The following NR3C1 variants were observed in gnomAD, a reference collection of about 807,000 sequenced individuals.
The protein encoded by NR3C1 is nuclear receptor subfamily 3 group C member 1.
A neutral mutation model predicts 74.0 loss-of-function variants in NR3C1; 14 were observed. That is an observed-to-expected ratio of 0.19 (90% CI 0.12 to 0.30). NR3C1 has a LOEUF of 0.30. NR3C1 is among the 10% of genes least tolerant of loss of function. The pLI, the probability that NR3C1 is intolerant of heterozygous loss-of-function variation, is 1.00. For synonymous variants in NR3C1, 308 were observed against 332.5 expected (o/e 0.93, Z 0.80); for missense variants, 695 against 909.8 (o/e 0.76, Z 3.04).
intron 6 of NR3C1, among the ~76,000 whole-genome samples, chr5:143,297,258 G>A (rs755134841): frequency 2.6e-5 from 4 of 152,080 alleles, no homozygotes; most frequent in Non-Finnish European, 5.9e-5. Flanking sequence ...GGCATGATTA[G>A]ATTTTGCTGT....
At chr5:143,323,300 C>T (rs953170447) in intron 2 of NR3C1, among the ~76,000 whole-genome samples, 2 of 152,150 alleles carry the variant, frequency 1.3e-5, no homozygotes, top group African/African-American at 4.8e-5. Flanking sequence ...GGGGAAGCCT[C>T]AGAATCATGG....
At chr5:143,317,951 T>C (rs963038019) in intron 2 of NR3C1, among the ~76,000 whole-genome samples, 1 of 152,164 alleles carries the variant, frequency 6.6e-6, no homozygotes, top group Non-Finnish European at 1.5e-5. Flanking sequence ...CAGCTTTACA[T>C]ACAGACAAAT....
intron 1 of NR3C1, among the ~76,000 whole-genome samples, chr5:143,419,127 A>G (rs1751080912): frequency 6.6e-6 from 1 of 152,160 alleles, no homozygotes. Flanking sequence ...GGGATGCTCT[A>G]CCTGTATGTA....
rs151019563 is a variant in NR3C1 at position 143,425,967 on chromosome 5, C to T, written c.-14+8565G>A. Among the ~76,000 whole-genome samples, 270 of 152,234 alleles carry T rather than the reference C, an allele frequency of 1.8e-3. 2 individuals are homozygous for T. Among genetic ancestry groups the T allele is most frequent in the African/African-American group, 6.2e-3 (256 of 41,552 alleles). On this transcript the variant is annotated intron_variant, in intron 1 of 8. Coordinates refer to the NR3C1 transcript ENST00000343796. ...CATAATAGCTAATAAGTGGCAACAG[C>T]CTAAGTGATCAGCTCATGAGTGGAT...
chr5:143,368,921 C>G (rs747357241), intron 2 of NR3C1, among the ~76,000 whole-genome samples: 1 of 152,178 alleles, frequency 6.6e-6, no homozygotes, highest in Non-Finnish European at 1.5e-5. Flanking sequence ...CAAGGTGACA[C>G]AGGGCAGCAA....
At chr5:143,403,760 CGGCGGCCGCGG>C, upstream of NR3C1, 1 of 984,424 alleles carries the variant, frequency 1.0e-6, no homozygotes, top group Non-Finnish European at 1.2e-6. Flanking sequence ...AGGGGCCGCG[CGGCGGCCGCGG>C]GGAACGATGC....
intron 2 of NR3C1, among the ~76,000 whole-genome samples, chr5:143,324,283 C>A (rs1386761210): frequency 6.6e-6 from 1 of 152,244 alleles, no homozygotes; most frequent in Non-Finnish European, 1.5e-5. Flanking sequence ...CATACGTCTT[C>A]TAAAATCTAG....
At chr5:143,333,199 G>A (rs1218375486) in intron 2 of NR3C1, 8 of 1,555,392 alleles carry the variant, frequency 5.1e-6, no homozygotes, top group South Asian at 1.1e-5. Flanking sequence ...CCTGGCTATC[G>A]GGGTGAACGC....
chr5:143,423,611 A>G (rs957814327), intron 1 of NR3C1, among the ~76,000 whole-genome samples: 1 of 152,170 alleles, frequency 6.6e-6, no homozygotes, highest in Admixed American at 6.5e-5. Context: ...ACTGCTGGAC[A>G]TATACCCAAA....
At chr5:143,311,511 T>C (rs565583974) in intron 3 of NR3C1, among the ~76,000 whole-genome samples, 1 of 152,208 alleles carries the variant, frequency 6.6e-6, no homozygotes, top group African/African-American at 2.4e-5. Context: ...GTTATTAGCA[T>C]GAAGTTGGAC....
chr5:143,361,821 G>A (rs1241529880), intron 2 of NR3C1, among the ~76,000 whole-genome samples: 4 of 152,190 alleles, frequency 2.6e-5, no homozygotes, highest in Non-Finnish European at 5.9e-5. Flanking sequence ...TTGAACTTAT[G>A]ACAATTGAGG....
chr5:143,381,983 C>A (rs1166277178), intron 2 of NR3C1, among the ~76,000 whole-genome samples: 1 of 151,932 alleles, frequency 6.6e-6, no homozygotes, highest in South Asian at 2.1e-4. Context: ...AAGAAGCAAC[C>A]CACAAAATGG....
chr5:143,345,239 C>T (rs778162459), intron 2 of NR3C1, among the ~76,000 whole-genome samples: 2 of 152,182 alleles, frequency 1.3e-5, no homozygotes, highest in Non-Finnish European at 2.9e-5. Context: ...GAGACAGAGT[C>T]TAGCTCTGTC....
In NR3C1 at chr5:143,403,427, C is replaced by G. The variant is rs921412081; in HGVS notation, c.-230G>C. Reference sequence around the variant, plus strand: ...CAGCTGACAAGCCAGCCCTCCGCCCCGCGCCGGGCTCCGCGGGTCGAGGTT... The same window carrying G: ...CAGCTGACAAGCCAGCCCTCCGCCCGGCGCCGGGCTCCGCGGGTCGAGGTT... On this transcript the variant is annotated 5_prime_UTR_variant, in exon 1 of 9. Coordinates refer to ENST00000394464, the MANE Select transcript of NR3C1 (RefSeq NM_000176.3). The G allele has an allele frequency of 3.1e-6, 3 of 962,452 alleles. No homozygotes were observed. The highest frequency in any genetic ancestry group is 2.5e-4 in the East Asian group (2 of 7,868). The allele number at this position is 962,452 out of a possible 1,614,324, so 59.6% of individuals were successfully genotyped here. A position where few individuals can be genotyped will look rare whatever the true frequency, so the allele number is the denominator to read the frequency against.
upstream of NR3C1, among the ~76,000 whole-genome samples, chr5:143,407,848 G>A (rs1600661521): frequency 6.6e-6 from 1 of 152,138 alleles, no homozygotes; most frequent in African/African-American, 2.4e-5. Context: ...TCCTTCTCAA[G>A]TATATACAAT....
intron 2 of NR3C1, among the ~76,000 whole-genome samples, chr5:143,358,963 A>G (rs1831705437): frequency 6.6e-6 from 1 of 152,174 alleles, no homozygotes; most frequent in Non-Finnish European, 1.5e-5. Flanking sequence ...AAAAGTTGCT[A>G]TTTTACTGCT....
intron 4 of NR3C1, among the ~76,000 whole-genome samples, chr5:143,308,547 G>A (rs1414111757): frequency 6.6e-6 from 1 of 152,072 alleles, no homozygotes; most frequent in East Asian, 1.9e-4. Flanking sequence ...TTATCTGGAG[G>A]ACTGCCATAT....
At chr5:143,333,527 T>C (rs1301834237) in intron 2 of NR3C1, among the ~76,000 whole-genome samples, 4 of 152,148 alleles carry the variant, frequency 2.6e-5, no homozygotes, top group Non-Finnish European at 5.9e-5. Context: ...CCCAGCACTT[T>C]GGGAGGCCAA....
In NR3C1 at chr5:143,330,926, A is replaced by AG. The variant is rs1303607604; in HGVS notation, c.1185-16759_1185-16758insC. 5.9e-5 allele frequency among the ~76,000 whole-genome samples: 9 copies of AG among 152,224 alleles called. 1 individual carries two copies. The highest frequency in any genetic ancestry group is 1.2e-4 in the Non-Finnish European group (8 of 68,036). ...TGCTATTGCTCTCAAAATACCAATG[A>AG]CATTCATCACAGAATTAGAAAAAAA... On this transcript the variant is annotated intron_variant, in intron 2 of 8. Coordinates refer to ENST00000394464, the MANE Select transcript of NR3C1 (RefSeq NM_000176.3).
Sources: allele counts gnomAD v4.1 joint callset (sites outside exome capture counted in the v4.1 genomes callset), GRCh38; gene constraint gnomAD v4.1.1; transcripts MANE v1.5; gene names NCBI Gene and HGNC (gene_info 2026-07-23, HGNC 2026-07-21).